Variants in EFHC2 observed in about 807,000 individuals in gnomAD.
The protein encoded by EFHC2 is EF-hand domain containing 2.
EFHC2 carries 18 observed loss-of-function variants against 52.7 expected under a neutral mutation model. That is an observed-to-expected ratio of 0.34 (90% CI 0.24 to 0.51). The LOEUF (loss-of-function observed/expected upper bound fraction) is 0.51, where lower values mean the gene tolerates loss of function less well. Among genes scored for constraint, EFHC2 ranks in the 20% least tolerant of loss-of-function variants. EFHC2 has a pLI of 0.97. For missense variants in EFHC2, 513 were observed against 562.5 expected (o/e 0.91, Z 0.89); for synonymous variants, 203 against 204.1 (o/e 0.99, Z 0.04).
At chrX:44,183,564 C>A (rs189532274) in intron 11 of EFHC2, among the ~76,000 whole-genome samples, 1 of 111,745 alleles carries the variant, frequency 8.9e-6, no homozygotes, top group Non-Finnish European at 1.9e-5. Context: ...ACAGAGAGTC[C>A]GACACAAATG....
chrX:44,151,638 C>A (rs2036571395), intron 14 of EFHC2, among the ~76,000 whole-genome samples: 1 of 111,966 alleles, frequency 8.9e-6, no homozygotes, highest in African/African-American at 3.3e-5. Flanking sequence ...CCACTCTAAT[C>A]CAGCATAACT....
chrX:44,247,491 A>C (rs2037409151), intron 7 of EFHC2, among the ~76,000 whole-genome samples: 1 of 111,786 alleles, frequency 8.9e-6, no homozygotes, highest in Non-Finnish European at 1.9e-5. Context: ...TCCCAACTCC[A>C]GTACCAAACT....
At chrX:44,207,653 G>A (rs990704424) in intron 11 of EFHC2, among the ~76,000 whole-genome samples, 1 of 112,582 alleles carries the variant, frequency 8.9e-6, no homozygotes, top group Non-Finnish European at 1.9e-5. Context: ...ATTGACAAAC[G>A]GGACTTAATC....
intron 11 of EFHC2, among the ~76,000 whole-genome samples, chrX:44,205,402 T>C (rs1261714764): frequency 9.9e-6 from 1 of 100,513 alleles, no homozygotes; most frequent in Non-Finnish European, 2.1e-5. Context: ...AGACATAAAA[T>C]GGCAAATTAG....
chrX:44,248,691 A>T (rs2037419198), intron 6 of EFHC2, 112 bp downstream of exon 6: 1 of 604,756 alleles, frequency 1.7e-6, no homozygotes. Flanking sequence ...ACATTTATGT[A>T]TTCATCGATT....
At chrX:44,238,576 T>C (rs1240607632) in intron 8 of EFHC2, among the ~76,000 whole-genome samples, 1 of 111,495 alleles carries the variant, frequency 9.0e-6, no homozygotes, top group Non-Finnish European at 1.9e-5. Flanking sequence ...CTCCTCTCTG[T>C]GTGCTCTGCT....
intron 5 of EFHC2, among the ~76,000 whole-genome samples, chrX:44,249,582 G>A (rs2037426784): frequency 9.0e-6 from 1 of 110,916 alleles, no homozygotes; most frequent in Admixed American, 9.5e-5. Context: ...TGTTTCTGCT[G>A]CACCCAAATT....
intron 14 of EFHC2, among the ~76,000 whole-genome samples, chrX:44,158,502 C>T (rs2036626248): frequency 9.0e-6 from 1 of 111,094 alleles, no homozygotes; most frequent in Non-Finnish European, 1.9e-5. Context: ...GCTCAGCCTG[C>T]CATTCCTTCT....
rs369113642 is a variant in EFHC2, at chrX:44,178,534, G to T, written c.1782C>A (p.Asn594Lys). Reference sequence around the variant, plus strand: ...TGGTTACAAATTCTTGCTCTGCAAGGTTTCCAACAGTCAAAGACATCAATA... The same window carrying T: ...TGGTTACAAATTCTTGCTCTGCAAGTTTTCCAACAGTCAAAGACATCAATA... ...RDILMSLTVG[N>K]LAEQEFVTIA... Residue 594 changes from asparagine (N) to lysine (K), a missense_variant, in exon 12 of 15, where the codon AAC becomes AAA. Coordinates refer to ENST00000420999, the MANE Select transcript of EFHC2 (RefSeq NM_025184.4). 7 of 1,196,909 alleles carry T rather than the reference G, an allele frequency of 5.8e-6. No individual in the cohort carries two copies. Among genetic ancestry groups the T allele is most frequent in the Non-Finnish European group, 7.9e-6 (7 of 890,697 alleles).
At chrX:44,336,519 G>A (rs2038118655) in intron 1 of EFHC2, among the ~76,000 whole-genome samples, 2 of 111,789 alleles carry the variant, frequency 1.8e-5, no homozygotes. Flanking sequence ...CATTGCTGGT[G>A]GGAATGCAAA....
intron 2 of EFHC2, among the ~76,000 whole-genome samples, chrX:44,311,502 A>C (rs1029062157): frequency 1.8e-5 from 2 of 112,267 alleles, no homozygotes; most frequent in East Asian, 5.6e-4. Context: ...TAATCTAATA[A>C]CTAGTTCTTT....
chrX:44,148,754 G>C lies in EFHC2; in HGVS notation c.*41C>G. On this transcript the variant is annotated 3_prime_UTR_variant, in exon 15 of 15. Transcript: ENST00000420999. ...TCTACTAAAGTAAATGTGGCAAAATGAGAGAAGTAAATCATAGAGAATTGA... is the reference window on the plus strand; with the variant it reads ...TCTACTAAAGTAAATGTGGCAAAATCAGAGAAGTAAATCATAGAGAATTGA... 1 of 1,055,864 alleles carries C rather than the reference G, an allele frequency of 9.5e-7. No homozygotes were observed. The allele number at this position is 1,055,864 out of a possible 1,213,427, so 87.0% of individuals were successfully genotyped here.
Position 44,312,602 on chromosome X carries a change from C to T in EFHC2, c.197G>A (p.Ser66Asn). 5.0e-6 allele frequency: 6 copies of T among 1,206,009 alleles called. No individual in the cohort carries two copies. Among genetic ancestry groups the T allele is most frequent in the Non-Finnish European group, 6.7e-6 (6 of 893,254 alleles). Reference sequence around the variant, plus strand: ...AAAGGCTACCCATGATGGTACATCACTTCCATCTCCTTTAGGATATATGCT... The same window carrying T: ...AAAGGCTACCCATGATGGTACATCATTTCCATCTCCTTTAGGATATATGCT... ...KCSIYPKGDG[S>N]DVPSWVAFDK... Residue 66 changes from serine (S) to asparagine (N), a missense_variant, in exon 2 of 15, where the codon AGT (serine) becomes AAT (asparagine). Physicochemically the swap from Ser to Asn is conservative, Grantham distance 46 (BLOSUM62 1). Coordinates refer to ENST00000420999, the MANE Select transcript of EFHC2 (RefSeq NM_025184.4).
chrX:44,334,836 C>G (rs2038107400), intron 1 of EFHC2, among the ~76,000 whole-genome samples: 1 of 112,233 alleles, frequency 8.9e-6, no homozygotes, highest in African/African-American at 3.2e-5. Context: ...AGTCCCTTAT[C>G]AGATAATATG....
At chrX:44,181,366 G>A (rs770954263) in intron 11 of EFHC2, among the ~76,000 whole-genome samples, 2 of 108,979 alleles carry the variant, frequency 1.8e-5, no homozygotes, top group African/African-American at 3.3e-5. Context: ...AAAAACATTC[G>A]AAAGCATTTC....
Position 44,189,194 on chromosome X carries a change from T to C in EFHC2, c.1752-10630A>G, listed in dbSNP as rs183727756. Reference sequence around the variant, plus strand: ...TCTGAGAAGCTGTACAAAGTGTTAATAACAGGCACAGACATTATCAAGAGC... The same window carrying C: ...TCTGAGAAGCTGTACAAAGTGTTAACAACAGGCACAGACATTATCAAGAGC... On this transcript the variant is annotated intron_variant, in intron 11 of 14. Transcript: ENST00000420999. Among the ~76,000 whole-genome samples, 31 of 105,675 alleles carry C rather than the reference T, an allele frequency of 2.9e-4. No homozygotes were observed. In the Admixed American group the frequency reaches 3.2e-3, roughly 11 times the overall value. 91.8% of individuals were successfully genotyped at this position (105,675 alleles called of 115,157 possible). A position where few individuals can be genotyped will look rare whatever the true frequency, so the allele number is the denominator to read the frequency against.
intron 3 of EFHC2, among the ~76,000 whole-genome samples, chrX:44,268,032 C>A (rs2037590365): frequency 1.8e-5 from 2 of 111,867 alleles, no homozygotes; most frequent in Admixed American, 1.9e-4. Context: ...TTCCAAATTT[C>A]TCTACTCTGC....
intron 11 of EFHC2, among the ~76,000 whole-genome samples, chrX:44,187,706 CT>C (rs1202960659): frequency 9.0e-6 from 1 of 110,947 alleles, no homozygotes; most frequent in Non-Finnish European, 1.9e-5. Flanking sequence ...AGGAGAATCG[CT>C]TGAGTCCAGG....
chrX:44,192,057 TGTAA>T (rs1204592333), intron 11 of EFHC2, among the ~76,000 whole-genome samples: 2 of 88,973 alleles, frequency 2.2e-5, no homozygotes, highest in Non-Finnish European at 4.2e-5. Context: ...AATTCACATA[TGTAA>T]GTGTGTGTGT....
Sources: gnomAD v4.1 joint callset for allele counts (sites outside exome capture counted in the v4.1 genomes callset) on GRCh38, gnomAD v4.1.1 for gene constraint, MANE v1.5 for transcripts, NCBI Gene and HGNC (gene_info 2026-07-23, HGNC 2026-07-21) for gene names.